VPS13D: variants seen among roughly 807,000 people sequenced by gnomAD.
The protein encoded by VPS13D is intermembrane lipid transfer protein VPS13D.
Under a neutral mutation model 461.9 loss-of-function variants are expected in VPS13D, and 187 were observed. The ratio of observed to expected loss-of-function variants is 0.40; its 90% CI spans 0.36 to 0.46. The LOEUF (loss-of-function observed/expected upper bound fraction) is 0.46. VPS13D is among the 20% of genes least tolerant of loss of function. VPS13D has a pLI of 0.60. For synonymous variants in VPS13D, 1,951 were observed against 1,986.3 expected, an observed-to-expected ratio of 0.98 and a Z score of 0.47; for missense variants, 4,711 against 5,364.9, an observed-to-expected ratio of 0.88 and a Z score of 3.81.
At chr1:12,486,504 G>C (rs1388517903) in intron 67 of VPS13D, among the ~76,000 whole-genome samples, 1 of 152,180 alleles carries the variant, frequency 6.6e-6, no homozygotes, top group Non-Finnish European at 1.5e-5. Flanking sequence ...CCTGAGGAGC[G>C]GCCAGGGTTC....
intron 67 of VPS13D, among the ~76,000 whole-genome samples, chr1:12,493,759 A>T (rs1645920242): frequency 6.6e-6 from 1 of 152,220 alleles, no homozygotes; most frequent in Non-Finnish European, 1.5e-5. Flanking sequence ...ACACTAGCTT[A>T]CTGTTAGCTT....
At chr1:12,445,291 A>T (rs958775256) in intron 65 of VPS13D, among the ~76,000 whole-genome samples, 16 of 152,210 alleles carry the variant, frequency 1.1e-4, no homozygotes, top group Non-Finnish European at 2.2e-4. Flanking sequence ...CAGATCTCTC[A>T]TTTTCCTATC....
intron 44 of VPS13D, among the ~76,000 whole-genome samples, chr1:12,347,961 C>T (rs1375834912): frequency 6.6e-6 from 1 of 151,980 alleles, no homozygotes; most frequent in Non-Finnish European, 1.5e-5. Context: ...TAAATAATTG[C>T]CCTTCATTAT....
intron 2 of VPS13D, 69 bp downstream of exon 2, chr1:12,234,432 C>T (rs1219442947): frequency 7.5e-7 from 1 of 1,327,136 alleles, no homozygotes; most frequent in Non-Finnish European, 1.1e-6. Flanking sequence ...TTTTTGTTGT[C>T]CTGAGAATCA....
At chr1:12,253,175 A>T (rs1315025923) in intron 6 of VPS13D, among the ~76,000 whole-genome samples, 1 of 151,618 alleles carries the variant, frequency 6.6e-6, no homozygotes. Context: ...AAAAAAAAAA[A>T]TTCTGTATAA....
Position 12,273,027 on chromosome 1 carries a change from C to T in VPS13D, c.2128C>T (p.Arg710Trp), listed in dbSNP as rs139539467. ...FIEESKRWTV[R>W]LDISAPQVIF... ...GGAGGAGAGTAAACGATGGACCGTG[C>T]GGCTGGATATTTCTGCCCCTCAGGT... Residue 710 changes from arginine (R) to tryptophan (W), a missense_variant, in exon 18 of 70, where the codon CGG becomes TGG. Around this residue, in one of 3 missense-constraint regions of VPS13D, gnomAD observed 4,411 missense variants for 4,937.8 expected, o/e 0.89. Transcript: ENST00000620676. The T allele has an allele frequency of 2.1e-4, 335 of 1,613,752 alleles. No individual in the cohort carries two copies. Among genetic ancestry groups the T allele is most frequent in the Middle Eastern group, 4.9e-4 (3 of 6,082 alleles).
intron 65 of VPS13D, among the ~76,000 whole-genome samples, chr1:12,431,871 C>T (rs943470750): frequency 1.3e-5 from 2 of 152,054 alleles, no homozygotes; most frequent in African/African-American, 4.8e-5. Flanking sequence ...AGAACAAGAC[C>T]TGCCCCCATG....
intron 2 of VPS13D, among the ~76,000 whole-genome samples, chr1:12,236,483 C>G (rs1244081474): frequency 6.6e-6 from 1 of 152,092 alleles, no homozygotes; most frequent in Non-Finnish European, 1.5e-5. Flanking sequence ...TGTGCTCAAG[C>G]AGTCCTCCTG....
intron 67 of VPS13D, among the ~76,000 whole-genome samples, chr1:12,482,832 G>T (rs899242898): frequency 1.4e-5 from 2 of 146,188 alleles, no homozygotes; most frequent in South Asian, 4.5e-4. Flanking sequence ...ACATGAATGG[G>T]AGTACATATG....
In VPS13D at chr1:12,477,552, C is replaced by T. The variant is rs897324617; in HGVS notation, c.12662+17156C>T. Among the ~76,000 whole-genome samples, 5 of 152,284 alleles carry T rather than the reference C, an allele frequency of 3.3e-5. No individual in the cohort carries two copies. The South Asian group carries it at 1.0e-3, about 32-fold the overall frequency. On this transcript the variant is annotated intron_variant, in intron 67 of 69. Transcript: ENST00000620676. Reference sequence around the variant, plus strand: ...ATTCCAGGAAAGCCCTCCTCTTGGGCTAAACTCTAAAACTAAAATGAAGTC... The same window carrying T: ...ATTCCAGGAAAGCCCTCCTCTTGGGTTAAACTCTAAAACTAAAATGAAGTC...
chr1:12,430,872 C>A lies in VPS13D; in HGVS notation c.12333+14045C>A, dbSNP rs571628004. ...GGGGGCAAAGCCAGATAGATTTTAC[C>A]AGCCTGTTTGGATTTTGTGTCCAGT... On this transcript the variant is annotated intron_variant, in intron 65 of 69. Coordinates refer to ENST00000620676, the MANE Select transcript of VPS13D (RefSeq NM_015378.4). Among the ~76,000 whole-genome samples the A allele has an allele frequency of 2.0e-5, 3 of 152,348 alleles. No homozygotes were observed. In the South Asian group the frequency reaches 6.2e-4, roughly 32 times the overall value.
At chr1:12,233,392 A>G (rs932342045) in intron 1 of VPS13D, among the ~76,000 whole-genome samples, 2 of 152,116 alleles carry the variant, frequency 1.3e-5, no homozygotes, top group African/African-American at 2.4e-5. Context: ...CTCTGTTGAC[A>G]TTTGGGTTGG....
chr1:12,249,247 C>T lies in VPS13D; in HGVS notation c.472C>T (p.Arg158Cys), dbSNP rs771410901. 1.1e-5 allele frequency: 17 copies of T among 1,613,416 alleles called. No homozygotes were observed. The highest frequency in any genetic ancestry group is 1.4e-5 in the Non-Finnish European group (16 of 1,179,792). The change falls in exon 6 of 70, where the codon CGC becomes TGC. Residue 158 changes from arginine to cysteine, a missense_variant. By Grantham distance (180) the Arg-to-Cys change is radical. Around this residue, in one of 3 missense-constraint regions of VPS13D, gnomAD observed 4,411 missense variants for 4,937.8 expected, o/e 0.89. Coordinates refer to ENST00000620676, the MANE Select transcript of VPS13D (RefSeq NM_015378.4). ...IELKIQDVHL[R>C]FEDGVTNPSH... The stretch of plus-strand genomic sequence containing the variant: ...GTTAAAAATTCAAGATGTCCATTTA[C>T]GCTTTGAAGATGGTGTCACCAATCC...
chr1:12,274,547 A>G (rs9430218), intron 18 of VPS13D, among the ~76,000 whole-genome samples: 6,312 of 152,112 alleles, frequency 0.041, 261 homozygotes, highest in African/African-American at 0.11. Flanking sequence ...CCTAACCTCA[A>G]GCAATCTGCC....
intron 68 of VPS13D, 92 bp from the exon 69 acceptor site, chr1:12,506,761 A>C: frequency 6.7e-7 from 1 of 1,497,524 alleles, no homozygotes; most frequent in African/African-American, 1.4e-5. Context: ...ATTCGCACTC[A>C]GGCCCTGGGG....
At chr1:12,255,636 G>A (rs1480062156) in intron 7 of VPS13D, among the ~76,000 whole-genome samples, 1 of 151,810 alleles carries the variant, frequency 6.6e-6, no homozygotes, top group East Asian at 1.9e-4. Context: ...GCTCACGCCT[G>A]TAATCCCAGC....
chr1:12,269,965 A>G (rs1231206363), intron 16 of VPS13D, among the ~76,000 whole-genome samples: 1 of 152,140 alleles, frequency 6.6e-6, no homozygotes, highest in African/African-American at 2.4e-5. Flanking sequence ...TGGGCAACAT[A>G]GTGAGACCTC....
In VPS13D at chr1:12,509,808, C is replaced by G. The variant is rs1261879531; in HGVS notation, c.*784C>G. The G allele has an allele frequency of 6.6e-6, 1 of 152,226 alleles. No individual in the cohort carries two copies. Among genetic ancestry groups the G allele is most frequent in the Admixed American group, 6.5e-5 (1 of 15,282 alleles). 9.4% of individuals were successfully genotyped at this position (152,226 alleles called of 1,614,324 possible). A position where few individuals can be genotyped will look rare whatever the true frequency, so the allele number is the denominator to read the frequency against. On this transcript the variant is annotated 3_prime_UTR_variant, in exon 70 of 70. Transcript: ENST00000620676. ...GGGGGAAACCTGTGCTCCATTACCA[C>G]ATGGGTGCAAGTCAGCATTGTAAGT... is the stretch of plus-strand genomic sequence containing the variant.
At position 12,509,497 on chromosome 1, in the gene VPS13D, TAAAG is replaced by T. The variant is rs1646156787; in HGVS notation, c.*476_*479del. On this transcript the variant is annotated 3_prime_UTR_variant, in exon 70 of 70. Coordinates refer to ENST00000620676, the MANE Select transcript of VPS13D (RefSeq NM_015378.4). Reference sequence around the variant, plus strand: ...TCTATAGAAAGGCATTCTTAAAAGTTAAAGAATGTTACGTCTTAGTTTTGGAGAC... The same window carrying T: ...TCTATAGAAAGGCATTCTTAAAAGTTAATGTTACGTCTTAGTTTTGGAGAC... 6.5e-6 allele frequency: 1 copy of T among 153,012 alleles called. No homozygotes were observed. 9.5% of individuals were successfully genotyped at this position (153,012 alleles called of 1,614,324 possible). A position where few individuals can be genotyped will look rare whatever the true frequency, so the allele number is the denominator to read the frequency against.
Sources: gnomAD v4.1 joint callset for allele counts (sites outside exome capture counted in the v4.1 genomes callset) on GRCh38, gnomAD v4.1.1 for gene constraint, gnomAD v4.1.1 regional missense constraint, MANE v1.5 for transcripts, NCBI Gene and HGNC (gene_info 2026-07-23, HGNC 2026-07-21) for gene names.